The following STAU2 variants were observed in gnomAD, a reference collection of about 807,000 sequenced individuals.
The protein encoded by STAU2 is staufen double-stranded RNA binding protein 2, also known as double-stranded RNA-binding protein Staufen homolog 2.
Under a neutral mutation model 65.9 loss-of-function variants are expected in STAU2, and 20 were observed. The ratio of observed to expected loss-of-function variants is 0.30; its 90% confidence interval spans 0.21 to 0.44. STAU2 has a LOEUF of 0.44. Among genes scored for constraint, STAU2 ranks in the 20% least tolerant of loss-of-function variants. The pLI, the probability that STAU2 is intolerant of heterozygous loss-of-function variation, is 1.00. For synonymous variants in STAU2, 232 were observed against 233.9 expected, an observed-to-expected ratio of 0.99 and a Z score of 0.07; for missense variants, 558 against 683.9, an observed-to-expected ratio of 0.82 and a Z score of 2.05.
intron 12 of STAU2, among the ~76,000 whole-genome samples, chr8:73,558,861 A>C (rs1807980815): frequency 6.6e-6 from 1 of 152,188 alleles, no homozygotes; most frequent in Admixed American, 6.5e-5. Flanking sequence ...ACGCCTCAAC[A>C]ATGTTGGACT....
At chr8:73,519,581 C>A (rs1368147203) in intron 13 of STAU2, among the ~76,000 whole-genome samples, 2 of 152,100 alleles carry the variant, frequency 1.3e-5, no homozygotes, top group Non-Finnish European at 2.9e-5. Flanking sequence ...TGTGAATACA[C>A]CAAGATCAAG....
Position 73,626,715 on chromosome 8 carries a change from A to G in STAU2, c.411-9264T>C, listed in dbSNP as rs572699444. 1.3e-5 allele frequency among the ~76,000 whole-genome samples: 2 copies of G among 152,358 alleles called. 1 individual carries two copies. Among genetic ancestry groups the G allele is most frequent in the Admixed American group, 1.3e-4 (2 of 15,308 alleles). On this transcript the variant is annotated intron_variant, in intron 6 of 14. Transcript: ENST00000524300. The stretch of plus-strand genomic sequence containing the variant: ...GTAGCTTCCTAGGAGCAACTGCAGC[A>G]GAGTCAGAGGAGCTGGAATTAACCA...
chr8:73,456,468 C>T (rs557403267), intron 13 of STAU2, among the ~76,000 whole-genome samples: 19 of 152,114 alleles, frequency 1.2e-4, no homozygotes, highest in Admixed American at 3.3e-4. Flanking sequence ...CAATATAGTC[C>T]CTGCTTTGCT....
intron 10 of STAU2, among the ~76,000 whole-genome samples, chr8:73,599,176 C>G (rs983980374): frequency 2.0e-5 from 3 of 152,124 alleles, no homozygotes; most frequent in African/African-American, 4.8e-5. Flanking sequence ...GTGCTAAGAA[C>G]AGCCAAAATC....
At position 73,496,365 on chromosome 8, in the gene STAU2, T is replaced by C. The variant is rs151300235; in HGVS notation, c.1530+55647A>G. ...TTGGAGGAATCAATGCTTACTTAGA[T>C]GTATATGCTCTGGAATGTGTATGTG... is the stretch of plus-strand genomic sequence containing the variant. On this transcript the variant is annotated intron_variant, in intron 13 of 14. Coordinates refer to ENST00000524300, the MANE Select transcript of STAU2 (RefSeq NM_001164380.2). 1.1e-4 allele frequency among the ~76,000 whole-genome samples: 16 copies of C among 151,774 alleles called. No homozygotes were observed. The East Asian group carries it at 2.7e-3, about 26-fold the overall frequency.
chr8:73,515,568 C>G (rs145980595), intron 13 of STAU2, among the ~76,000 whole-genome samples: 1 of 152,104 alleles, frequency 6.6e-6, no homozygotes, highest in Non-Finnish European at 1.5e-5. Context: ...TACAAAAGTA[C>G]CATAGGCCAA....
chr8:73,687,406 T>G (rs1417183082), intron 5 of STAU2, among the ~76,000 whole-genome samples: 2 of 114,200 alleles, frequency 1.8e-5, no homozygotes, highest in Non-Finnish European at 3.6e-5. Context: ...TATATTTATA[T>G]TTAAATTAAT....
intron 3 of STAU2, 50 bp from the exon 4 acceptor site, chr8:73,709,212 T>C: frequency 2.1e-6 from 3 of 1,408,310 alleles, no homozygotes; most frequent in Non-Finnish European, 2.8e-6. Context: ...CTTTACAAAA[T>C]GGAAGAAAAA....
intron 6 of STAU2, among the ~76,000 whole-genome samples, chr8:73,637,669 G>A (rs1224846895): frequency 6.6e-6 from 1 of 151,786 alleles, no homozygotes; most frequent in East Asian, 1.9e-4. Context: ...TCAAACTGAA[G>A]AGAAGTAAAG....
intron 1 of STAU2, 103 bp from the exon 2 acceptor site, chr8:73,739,971 G>A: frequency 1.6e-6 from 1 of 631,346 alleles, no homozygotes; most frequent in East Asian, 2.8e-5. Context: ...TCAGAGGGAG[G>A]CAGATGCCAA....
rs1491435909 is a variant in STAU2 at position 73,597,502 on chromosome 8, AAT to A, written c.1030-2207_1030-2206del. Among the ~76,000 whole-genome samples, 71 of 145,260 alleles carry A rather than the reference AAT, an allele frequency of 4.9e-4. 1 individual carries two copies. Among genetic ancestry groups the A allele is most frequent in the African/African-American group, 7.8e-4 (30 of 38,334 alleles). On this transcript the variant is annotated intron_variant, in intron 10 of 14. Coordinates refer to ENST00000524300, the MANE Select transcript of STAU2 (RefSeq NM_001164380.2). ...AACCCTGTCTTACTAAAAATACAAA[AAT>A]AAAAAAAAAAAAAAAATTAGCCAGG...
intron 13 of STAU2, among the ~76,000 whole-genome samples, chr8:73,482,450 AAGG>A (rs1820683917): frequency 6.6e-6 from 1 of 152,128 alleles, no homozygotes; most frequent in South Asian, 2.1e-4. Context: ...AATCCAAAGG[AAGG>A]AGAAGAAATC....
At chr8:73,721,329 C>CA (rs1554571372) in intron 3 of STAU2, among the ~76,000 whole-genome samples, 1 of 137,714 alleles carries the variant, frequency 7.3e-6, no homozygotes, top group Non-Finnish European at 1.6e-5. Flanking sequence ...CTTTATGGCC[C>CA]AAAATACAGT....
At chr8:73,614,388 A>G (rs1318583705) in intron 8 of STAU2, among the ~76,000 whole-genome samples, 1 of 152,178 alleles carries the variant, frequency 6.6e-6, no homozygotes, top group Non-Finnish European at 1.5e-5. Flanking sequence ...TCTATAAACC[A>G]CAAGGCACTG....
intron 13 of STAU2, among the ~76,000 whole-genome samples, chr8:73,530,786 C>G (rs931385190): frequency 6.6e-6 from 1 of 152,128 alleles, no homozygotes; most frequent in East Asian, 1.9e-4. Flanking sequence ...ACCTCCATGG[C>G]CTTTGAACAG....
chr8:73,506,893 G>C (rs1346495589), intron 13 of STAU2, among the ~76,000 whole-genome samples: 1 of 152,100 alleles, frequency 6.6e-6, no homozygotes, highest in Non-Finnish European at 1.5e-5. Context: ...TCTTCACCAG[G>C]AGTAGATTCC....
At chr8:73,666,620 A>G (rs777059119) in intron 6 of STAU2, among the ~76,000 whole-genome samples, 7 of 152,226 alleles carry the variant, frequency 4.6e-5, no homozygotes, top group Non-Finnish European at 7.3e-5. Flanking sequence ...CAACCTAGCT[A>G]TAAGAGATTG....
intron 13 of STAU2, among the ~76,000 whole-genome samples, chr8:73,508,849 C>A (rs1055884957): frequency 3.3e-5 from 5 of 152,144 alleles, no homozygotes; most frequent in African/African-American, 1.2e-4. Context: ...CTTTTCATTG[C>A]TGAATAATAT....
In STAU2 at chr8:73,709,087, T is replaced by C. The variant is rs1295490647; in HGVS notation, c.59A>G (p.Asn20Ser). ...MCLVNELARF[N>S]RVQPQYKLLN... Reference sequence around the variant, plus strand: ...AAGTTTATACTGGGGTTGGACTCTATTGAAACGGGCTAACTCATTTACCAG... The same window carrying C: ...AAGTTTATACTGGGGTTGGACTCTACTGAAACGGGCTAACTCATTTACCAG... Residue 20 changes from asparagine (N) to serine (S), a missense_variant, in exon 4 of 15, where the codon AAT becomes AGT. By Grantham distance (46) the Asn-to-Ser change is conservative. Transcript: ENST00000524300. 5.2e-6 allele frequency: 8 copies of C among 1,533,880 alleles called. No individual in the cohort carries two copies. The South Asian group carries it at 6.0e-5, about 11-fold the overall frequency.
Sources: gnomAD v4.1 joint callset for allele counts (sites outside exome capture counted in the v4.1 genomes callset) on GRCh38, gnomAD v4.1.1 for gene constraint, MANE v1.5 for transcripts, NCBI Gene and HGNC (gene_info 2026-07-23, HGNC 2026-07-21) for gene names.